GGA2: variants seen among roughly 807,000 people sequenced by gnomAD.
GGA2 encodes ADP-ribosylation factor-binding protein GGA2.
Under a neutral mutation model 79.5 loss-of-function variants are expected in GGA2, and 48 were observed. That is an observed-to-expected ratio of 0.60 (90% confidence interval 0.48 to 0.77). The LOEUF (loss-of-function observed/expected upper bound fraction) is 0.77. Among genes scored for constraint, GGA2 ranks in the 30% least tolerant of loss-of-function variants. GGA2 has a pLI of 0.00. For missense variants in GGA2, 770 were observed against 774.0 expected (o/e 0.99, Z 0.06); for synonymous variants, 317 against 302.0 (o/e 1.05, Z -0.51).
intron 9 of GGA2, among the ~76,000 whole-genome samples, chr16:23,481,370 T>C (rs772751597): frequency 6.6e-6 from 1 of 151,930 alleles, no homozygotes; most frequent in Non-Finnish European, 1.5e-5. Flanking sequence ...CGAAACTCCA[T>C]CTCAAGAAAA....
chr16:23,496,024 G>A (rs1028815911), intron 1 of GGA2, among the ~76,000 whole-genome samples: 7 of 152,160 alleles, frequency 4.6e-5, no homozygotes, highest in African/African-American at 1.7e-4. Context: ...AGCTGGCTGG[G>A]CACAGTGGCT....
upstream of GGA2, chr16:23,510,559 C>G (rs557220335): frequency 1.0e-4 from 39 of 389,370 alleles, no homozygotes; most frequent in South Asian, 2.9e-3. Context: ...CCAGGCCCCC[C>G]CTCCACGCGG....
chr16:23,482,210 G>A (rs1964656798), intron 9 of GGA2, among the ~76,000 whole-genome samples: 1 of 152,174 alleles, frequency 6.6e-6, no homozygotes, highest in East Asian at 1.9e-4. Flanking sequence ...GTTGCAGTGA[G>A]CCAAGACTGC....
chr16:23,491,648 G>A (rs1426866174), intron 5 of GGA2, 29 bp downstream of exon 5: 9 of 1,607,778 alleles, frequency 5.6e-6, no homozygotes, highest in Middle Eastern at 1.7e-4. Flanking sequence ...TAGTCAAGAG[G>A]AAATAAGACA....
rs754373988 is a variant in GGA2, at chr16:23,493,397, C to T, written c.314G>A (p.Arg105His). Residue 105 changes from arginine to histidine, a missense_variant, in exon 4 of 17, where the codon CGT becomes CAT. Arg to His is a conservative substitution (Grantham distance 29). Transcript: ENST00000309859. Reference sequence around the variant, plus strand: ...CACTTTGATCAGTTCGTTCAGGAAACGAAATTTGGCCACCTCGCTGTGGAA... The same window carrying T: ...CACTTTGATCAGTTCGTTCAGGAAATGAAATTTGGCCACCTCGCTGTGGAA... ...EKFHSEVAKF[R>H]FLNELIKVLS... The T allele has an allele frequency of 8.7e-6, 14 of 1,612,462 alleles. No homozygotes were observed. The highest frequency in any genetic ancestry group is 6.6e-5 in the South Asian group (6 of 91,060).
rs556294016 is a variant in GGA2 at position 23,493,601 on chromosome 16, G to A, written c.253-143C>T. 22 of 626,706 alleles carry A rather than the reference G, an allele frequency of 3.5e-5. No homozygotes were observed. The African/African-American group carries it at 3.9e-4, about 11-fold the overall frequency. 38.8% of individuals were successfully genotyped at this position (626,706 alleles called of 1,614,324 possible). On this transcript the variant is annotated intron_variant, in intron 3 of 16. Coordinates refer to ENST00000309859, the MANE Select transcript of GGA2 (RefSeq NM_015044.4). ...CCTATGAGGACACTGAAGTTTTGAT[G>A]AAGAGGACGTTTTCAGATCAAGAAA...
chr16:23,467,387 A>ACACACACACACACAC lies in GGA2; in HGVS notation c.*202_*203insGTGTGTGTGTGTGTG, dbSNP rs1964451036. 3.2e-6 allele frequency: 1 copy of ACACACACACACACAC among 308,086 alleles called. No individual in the cohort carries two copies. The highest frequency in any genetic ancestry group is 5.8e-6 in the Non-Finnish European group (1 of 172,582). 19.1% of individuals were successfully genotyped at this position (308,086 alleles called of 1,614,324 possible). The stretch of plus-strand genomic sequence containing the variant: ...GCCCTGTGCTACCACCCTCTCCCCG[A>ACACACACACACACAC]ACACACACACACACACACACACACA... On this transcript the variant is annotated 3_prime_UTR_variant, in exon 17 of 17. Transcript: ENST00000309859.
intron 14 of GGA2, among the ~76,000 whole-genome samples, chr16:23,471,740 C>T (rs527332151): frequency 2.4e-4 from 36 of 152,024 alleles, no homozygotes; most frequent in Middle Eastern, 3.4e-3. Flanking sequence ...CTCCCACCCT[C>T]AAAAAGACAA....
chr16:23,516,168 C>T (rs1042309756), intron 2 of GGA2, among the ~76,000 whole-genome samples: 3 of 149,738 alleles, frequency 2.0e-5, no homozygotes, highest in Admixed American at 6.7e-5. Context: ...CCACCATGCC[C>T]GGCCAATTTT....
At chr16:23,507,443 C>T (rs1280478032) in intron 1 of GGA2, among the ~76,000 whole-genome samples, 1 of 152,234 alleles carries the variant, frequency 6.6e-6, no homozygotes, top group East Asian at 1.9e-4. Context: ...GCCTGACAAA[C>T]ATGGTGAAAC....
intron 1 of GGA2, among the ~76,000 whole-genome samples, chr16:23,500,166 G>C (rs2142138995): frequency 6.6e-6 from 1 of 152,362 alleles, no homozygotes; most frequent in Non-Finnish European, 1.5e-5. Context: ...CTCAGGGGAG[G>C]CAGCTGAGGT....
chr16:23,515,120 G>A (rs192952561), upstream of GGA2, among the ~76,000 whole-genome samples: 7 of 147,470 alleles, frequency 4.7e-5, no homozygotes, highest in South Asian at 1.1e-3. Context: ...ATTTCATGGG[G>A]TTTTTTTTTT....
upstream of GGA2, chr16:23,522,231 A>G (rs1300360142): frequency 5.2e-6 from 1 of 191,338 alleles, no homozygotes; most frequent in African/African-American, 2.3e-5. Context: ...CCTCCATTGC[A>G]TATAATCCCT....
chr16:23,495,340 A>C (rs1433183445), intron 2 of GGA2: 2 of 167,708 alleles, frequency 1.2e-5, no homozygotes, highest in Non-Finnish European at 2.6e-5. Context: ...TTTAAAATTA[A>C]TAACTGCCAG....
chr16:23,515,656 AAC>A (rs1965098924), intron 2 of GGA2, among the ~76,000 whole-genome samples: 1 of 152,054 alleles, frequency 6.6e-6, no homozygotes, highest in Non-Finnish European at 1.5e-5. Flanking sequence ...ATGACAGACT[AAC>A]ACACAGCTTA....
chr16:23,511,812 A>T (rs1965068147), upstream of GGA2, among the ~76,000 whole-genome samples: 1 of 152,168 alleles, frequency 6.6e-6, no homozygotes, highest in Non-Finnish European at 1.5e-5. Flanking sequence ...TGTTATAATC[A>T]ATCCAAAAGT....
intron 1 of GGA2, among the ~76,000 whole-genome samples, chr16:23,503,152 T>C (rs1373787270): frequency 6.6e-6 from 1 of 152,250 alleles, no homozygotes; most frequent in Non-Finnish European, 1.5e-5. Context: ...ATTTTCTTTC[T>C]TGTGTTTGCT....
upstream of GGA2, among the ~76,000 whole-genome samples, chr16:23,514,662 G>C (rs1356327170): frequency 6.6e-6 from 1 of 152,128 alleles, no homozygotes; most frequent in Non-Finnish European, 1.5e-5. Context: ...ATGTTGCCCA[G>C]GCTGGTCTCA....
chr16:23,501,339 A>G, intron 1 of GGA2: 1 of 457,250 alleles, frequency 2.2e-6, no homozygotes, highest in South Asian at 1.5e-5. Context: ...TGGAGAAATC[A>G]TGGTCTGTGG....
Sources: gnomAD v4.1 joint callset for allele counts (sites outside exome capture counted in the v4.1 genomes callset) on GRCh38, gnomAD v4.1.1 for gene constraint, MANE v1.5 for transcripts, NCBI Gene and HGNC (gene_info 2026-07-23, HGNC 2026-07-21) for gene names.